The following SUCLG2 variants were observed in gnomAD, a reference collection of about 807,000 sequenced individuals.
SUCLG2 encodes the protein succinate--CoA ligase [GDP-forming] subunit beta, mitochondrial.
SUCLG2 carries 42 observed loss-of-function variants against 47.9 expected under a neutral mutation model. The ratio of observed to expected loss-of-function variants is 0.88; its 90% CI spans 0.69 to 1.14. The LOEUF is 1.14. Among genes scored for constraint, SUCLG2 ranks in the 50% most tolerant of loss-of-function variants. The probability of loss-of-function intolerance (pLI) is 0.00; values close to 1 mark genes in which losing one functional copy is unlikely to be tolerated. For missense variants in SUCLG2, 571 were observed against 525.9 expected, an observed-to-expected ratio of 1.09 and a Z score of -0.84; for synonymous variants, 195 against 197.3, an observed-to-expected ratio of 0.99 and a Z score of 0.10.
At chr3:67,397,403 T>C (rs1702556586) in intron 10 of SUCLG2, among the ~76,000 whole-genome samples, 1 of 151,970 alleles carries the variant, frequency 6.6e-6, no homozygotes, top group Non-Finnish European at 1.5e-5. Context: ...AAATCATGAG[T>C]GAACTCCCAT....
intron 2 of SUCLG2, among the ~76,000 whole-genome samples, chr3:67,529,479 G>C (rs1706345140): frequency 6.6e-6 from 1 of 152,200 alleles, no homozygotes; most frequent in Non-Finnish European, 1.5e-5. Context: ...TGTGTCAGAA[G>C]AAGCTAAATA....
At chr3:67,635,624 C>G (rs1266090381) in intron 1 of SUCLG2, among the ~76,000 whole-genome samples, 2 of 152,164 alleles carry the variant, frequency 1.3e-5, no homozygotes, top group Non-Finnish European at 2.9e-5. Flanking sequence ...CTCCTCCTCT[C>G]TGACTCTCTC....
intron 1 of SUCLG2, among the ~76,000 whole-genome samples, chr3:67,630,070 T>TA (rs1306014381): frequency 2.0e-5 from 3 of 150,052 alleles, no homozygotes; most frequent in Admixed American, 6.6e-5. Context: ...TCTCTAAAAA[T>TA]AAAAAAAAAC....
chr3:67,529,831 A>T (rs1396680613), intron 2 of SUCLG2, among the ~76,000 whole-genome samples: 4 of 152,230 alleles, frequency 2.6e-5, no homozygotes, highest in Non-Finnish European at 4.4e-5. Context: ...ACACTCCACG[A>T]ATGAAAGAAC....
chr3:67,382,832 T>C (rs921701414), intron 10 of SUCLG2, among the ~76,000 whole-genome samples: 1 of 152,122 alleles, frequency 6.6e-6, no homozygotes, highest in African/African-American at 2.4e-5. Flanking sequence ...TTCTCCCCAC[T>C]GGGAGAGGGG....
intron 10 of SUCLG2, among the ~76,000 whole-genome samples, chr3:67,368,335 C>T (rs1056572468): frequency 3.9e-5 from 6 of 152,168 alleles, no homozygotes; most frequent in African/African-American, 1.4e-4. Flanking sequence ...TCCTGAAATA[C>T]AGTGTTTCTT....
chr3:67,548,136 C>CA (rs145580279), intron 2 of SUCLG2, among the ~76,000 whole-genome samples: 7,406 of 152,220 alleles, frequency 0.049, 232 homozygotes, highest in African/African-American at 0.089. Context: ...TTCTATTTAG[C>CA]AAATGACCCA....
intron 5 of SUCLG2, 129 bp from the exon 6 acceptor site, chr3:67,518,465 G>A: frequency 2.4e-6 from 2 of 820,240 alleles, no homozygotes; most frequent in Non-Finnish European, 3.7e-6. Flanking sequence ...AGAGATCTCT[G>A]AGCAGGGCTA....
intron 1 of SUCLG2, among the ~76,000 whole-genome samples, chr3:67,646,119 G>A (rs944680629): frequency 2.0e-5 from 3 of 148,530 alleles, no homozygotes; most frequent in South Asian, 2.2e-4. Flanking sequence ...GAGAGGGGAG[G>A]GGAGGGGAGA....
intron 9 of SUCLG2, among the ~76,000 whole-genome samples, chr3:67,438,979 A>C (rs1703691604): frequency 6.6e-6 from 1 of 152,208 alleles, no homozygotes; most frequent in African/African-American, 2.4e-5. Flanking sequence ...ATCAATCCAA[A>C]TATCCTCAAT....
chr3:67,525,255 T>A (rs1183875503), intron 4 of SUCLG2, among the ~76,000 whole-genome samples: 1 of 152,186 alleles, frequency 6.6e-6, no homozygotes, highest in Non-Finnish European at 1.5e-5. Flanking sequence ...TTAGCAAGAT[T>A]TTTTCGTAAA....
Position 67,375,661 on chromosome 3 carries a change from G to A in SUCLG2, c.*83C>T. Reference sequence around the variant, plus strand: ...CCCCTCCCCTTTTCTTCCCCAATGAGATAACCATTTCTTTCACAATGATGA... The same window carrying A: ...CCCCTCCCCTTTTCTTCCCCAATGAAATAACCATTTCTTTCACAATGATGA... On this transcript the variant is annotated 3_prime_UTR_variant, in exon 11 of 11. Coordinates refer to ENST00000307227, the MANE Select transcript of SUCLG2 (RefSeq NM_003848.4). 2 of 1,484,304 alleles carry A rather than the reference G, an allele frequency of 1.3e-6. No individual in the cohort carries two copies. Among genetic ancestry groups the A allele is most frequent in the South Asian group, 2.8e-5 (2 of 70,738 alleles). 91.9% of individuals were successfully genotyped at this position (1,484,304 alleles called of 1,614,324 possible).
At chr3:67,552,159 CA>C (rs547352808) in intron 2 of SUCLG2, among the ~76,000 whole-genome samples, 286 of 72,718 alleles carry the variant, frequency 3.9e-3, no homozygotes, top group Middle Eastern at 0.015. Flanking sequence ...GGCAACAGAG[CA>C]AAACTCCATC....
At chr3:67,567,127 T>A (rs532430221) in intron 2 of SUCLG2, among the ~76,000 whole-genome samples, 3 of 151,370 alleles carry the variant, frequency 2.0e-5, no homozygotes, top group Admixed American at 2.0e-4. Context: ...GAAGTTGTAG[T>A]GCGCCAAGAT....
chr3:67,376,639 C>A (rs1161403848), intron 10 of SUCLG2: 2 of 395,322 alleles, frequency 5.1e-6, no homozygotes, highest in Non-Finnish European at 3.4e-6. Context: ...CCTTGGAGAA[C>A]TTGCCTTACC....
chr3:67,505,823 G>A (rs1040773461), intron 7 of SUCLG2, among the ~76,000 whole-genome samples: 5 of 151,992 alleles, frequency 3.3e-5, no homozygotes, highest in South Asian at 4.2e-4. Flanking sequence ...TTAGCTGGGC[G>A]CGGTGGTGGG....
chr3:67,453,631 A>AAT (rs764526952), intron 9 of SUCLG2, among the ~76,000 whole-genome samples: 5 of 152,182 alleles, frequency 3.3e-5, no homozygotes, highest in Admixed American at 6.5e-5. Flanking sequence ...ATTTAGCATG[A>AAT]ATATATATAT....
At chr3:67,455,241 G>A (rs1287346341) in intron 9 of SUCLG2, among the ~76,000 whole-genome samples, 1 of 152,196 alleles carries the variant, frequency 6.6e-6, no homozygotes. Flanking sequence ...ACTTGAAACT[G>A]AGCTTTGTGG....
intron 9 of SUCLG2, among the ~76,000 whole-genome samples, chr3:67,446,400 AATATGTAC>A (rs1703924304): frequency 6.8e-6 from 1 of 147,070 alleles, no homozygotes; most frequent in Non-Finnish European, 1.5e-5. Flanking sequence ...CCGGTATCTA[AATATGTAC>A]ATATGTACAT....
Sources: gnomAD v4.1 joint callset for allele counts (sites outside exome capture counted in the v4.1 genomes callset) on GRCh38, gnomAD v4.1.1 for gene constraint, MANE v1.5 for transcripts, NCBI Gene and HGNC (gene_info 2026-07-23, HGNC 2026-07-21) for gene names.